Variants in SEPHS1 observed in about 807,000 individuals in gnomAD.
SEPHS1 encodes the protein selenophosphate synthetase 1, also known as zincore component SEPHS1.
In SEPHS1, 7 loss-of-function variants were observed where a neutral mutation model predicts 39.2. That is an observed-to-expected ratio of 0.18 (90% CI 0.10 to 0.34). SEPHS1 has a LOEUF of 0.34. SEPHS1 is among the 10% of genes least tolerant of loss of function. The pLI is 1.00. For synonymous variants in SEPHS1, 190 were observed against 195.5 expected (o/e 0.97, Z 0.23); for missense variants, 253 against 514.5 (o/e 0.49, Z 4.92).
At chr10:13,321,084 G>A (rs1470876915) in intron 8 of SEPHS1, among the ~76,000 whole-genome samples, 3 of 151,934 alleles carry the variant, frequency 2.0e-5, no homozygotes, top group Non-Finnish European at 2.9e-5. Context: ...AAGCCCCCTC[G>A]CCACAGCACA....
At position 13,348,129 on chromosome 10, in the gene SEPHS1, GGCGGGGGCCCGGGCCCGCGCCTGGGCGCC is replaced by G. The variant is rs1833991933; in HGVS notation, c.-237_-209del. Reference sequence around the variant, plus strand: ...TGCCGCGCCCGGCGGCGGCGGCGGCGGCGGGGGCCCGGGCCCGCGCCTGGGCGCCGCGGGGGCTCGCCTGCCTCGGCGCG... The same window carrying G: ...TGCCGCGCCCGGCGGCGGCGGCGGCGGCGGGGGCTCGCCTGCCTCGGCGCG... On this transcript the variant is annotated 5_prime_UTR_variant, in exon 1 of 9. Coordinates refer to ENST00000327347, the MANE Select transcript of SEPHS1 (RefSeq NM_012247.5). The G allele has an allele frequency of 6.9e-6, 1 of 145,248 alleles. No individual in the cohort carries two copies. The highest frequency in any genetic ancestry group is 1.5e-5 in the Non-Finnish European group (1 of 65,470). 9.0% of individuals were successfully genotyped at this position (145,248 alleles called of 1,614,324 possible). A position where few individuals can be genotyped will look rare whatever the true frequency, so the allele number is the denominator to read the frequency against.
chr10:13,329,121 C>T (rs116438139), intron 6 of SEPHS1, among the ~76,000 whole-genome samples: 12 of 152,144 alleles, frequency 7.9e-5, no homozygotes, highest in African/African-American at 9.6e-5. Flanking sequence ...TGAGTTGTTA[C>T]GGCAATGAAG....
At chr10:13,347,581 G>C (rs1341852564) in intron 1 of SEPHS1, among the ~76,000 whole-genome samples, 1 of 147,148 alleles carries the variant, frequency 6.8e-6, no homozygotes, top group African/African-American at 2.4e-5. Flanking sequence ...CGGGTCGACA[G>C]GGCCCGCGCG....
At chr10:13,344,230 C>T (rs1056846866) in intron 2 of SEPHS1, among the ~76,000 whole-genome samples, 2 of 152,108 alleles carry the variant, frequency 1.3e-5, no homozygotes, top group African/African-American at 4.8e-5. Flanking sequence ...AGGCTGGAAC[C>T]GCCTTTCCTA....
chr10:13,332,196 G>C (rs943542024), intron 5 of SEPHS1, among the ~76,000 whole-genome samples: 4 of 152,238 alleles, frequency 2.6e-5, no homozygotes, highest in Non-Finnish European at 5.9e-5. Context: ...GCCATGGAAA[G>C]GAATGCGATA....
intron 2 of SEPHS1, among the ~76,000 whole-genome samples, chr10:13,340,977 T>C (rs889050023): frequency 1.8e-4 from 28 of 152,248 alleles, no homozygotes; most frequent in Admixed American, 1.8e-3. Flanking sequence ...ATTAATAATG[T>C]CGTATATATA....
intron 2 of SEPHS1, among the ~76,000 whole-genome samples, chr10:13,339,222 A>G (rs1008327178): frequency 2.6e-5 from 4 of 152,118 alleles, no homozygotes; most frequent in Non-Finnish European, 4.4e-5. Context: ...ACATCTTTAC[A>G]GACATTATCG....
At chr10:13,346,445 C>CG (rs1308506638) in intron 1 of SEPHS1, among the ~76,000 whole-genome samples, 1 of 152,166 alleles carries the variant, frequency 6.6e-6, no homozygotes, top group African/African-American at 2.4e-5. Flanking sequence ...TCCAAACCGT[C>CG]TTCACAAAAA....
At chr10:13,339,583 A>G (rs752450003) in intron 2 of SEPHS1, among the ~76,000 whole-genome samples, 5 of 151,904 alleles carry the variant, frequency 3.3e-5, no homozygotes, top group Non-Finnish European at 5.9e-5. Flanking sequence ...CCTCAGAAGG[A>G]CACTCTTCTG....
intron 1 of SEPHS1, among the ~76,000 whole-genome samples, chr10:13,346,470 A>T (rs1833924798): frequency 6.6e-6 from 1 of 152,214 alleles, no homozygotes; most frequent in East Asian, 1.9e-4. Flanking sequence ...GTTTGGGATG[A>T]GCAATGATTT....
At chr10:13,346,638 T>C (rs907025787) in intron 1 of SEPHS1, among the ~76,000 whole-genome samples, 3 of 92,886 alleles carry the variant, frequency 3.2e-5, no homozygotes, top group Non-Finnish European at 6.3e-5. Flanking sequence ...CACTTTGACT[T>C]GGAAGGCGTT....
intron 2 of SEPHS1, among the ~76,000 whole-genome samples, chr10:13,339,968 C>G (rs1458713991): frequency 6.6e-6 from 1 of 152,002 alleles, no homozygotes; most frequent in Non-Finnish European, 1.5e-5. Flanking sequence ...CTTTGCAGCC[C>G]AATAGCCAAA....
chr10:13,335,422 T>G (rs903054176), intron 4 of SEPHS1, among the ~76,000 whole-genome samples: 3 of 152,014 alleles, frequency 2.0e-5, no homozygotes, highest in Non-Finnish European at 4.4e-5. Context: ...TCCCAGCACT[T>G]TGGGAGGCCG....
chr10:13,336,134 C>G (rs1466972863), intron 4 of SEPHS1, 109 bp downstream of exon 4: 1 of 672,724 alleles, frequency 1.5e-6, no homozygotes. Context: ...TGCAGGGAGC[C>G]ATATGGCCTG....
At chr10:13,323,382 T>G (rs1833170084) in intron 7 of SEPHS1, among the ~76,000 whole-genome samples, 1 of 151,252 alleles carries the variant, frequency 6.6e-6, no homozygotes, top group Non-Finnish European at 1.5e-5. Context: ...TGAGATGGAG[T>G]CTCGCTCTGT....
rs776045640 is a variant in SEPHS1, at chr10:13,318,968, C to G, written c.*174G>C. 59 of 618,916 alleles carry G rather than the reference C, an allele frequency of 9.5e-5. No individual in the cohort carries two copies. The highest frequency in any genetic ancestry group is 1.6e-4 in the Non-Finnish European group (56 of 360,902). The allele number at this position is 618,916 out of a possible 1,614,324, so 38.3% of individuals were successfully genotyped here. ...TTAGGTGCATCTTCAGTTAATGTAA[C>G]AGGAAAAAAAGGCAATGGATTTTAT... On this transcript the variant is annotated 3_prime_UTR_variant, in exon 9 of 9. Coordinates refer to ENST00000327347, the MANE Select transcript of SEPHS1 (RefSeq NM_012247.5).
chr10:13,326,918 T>C (rs952938881), intron 7 of SEPHS1, among the ~76,000 whole-genome samples: 4 of 152,200 alleles, frequency 2.6e-5, no homozygotes, highest in Non-Finnish European at 5.9e-5. Flanking sequence ...ATAATTGTGG[T>C]ACATTTCTCT....
chr10:13,347,780 C>CGCG (rs537003074), intron 1 of SEPHS1, among the ~76,000 whole-genome samples: 3,941 of 138,448 alleles, frequency 0.028, 87 homozygotes, highest in East Asian at 0.057. Context: ...CCCGGCCCCG[C>CGCG]GCGGCGGCGG....
chr10:13,321,505 C>T (rs1482901894), intron 8 of SEPHS1, among the ~76,000 whole-genome samples: 1 of 152,154 alleles, frequency 6.6e-6, no homozygotes, highest in Non-Finnish European at 1.5e-5. Flanking sequence ...GCTGGAATTA[C>T]AGGCGTGAGC....
Sources: allele counts gnomAD v4.1 joint callset (sites outside exome capture counted in the v4.1 genomes callset), GRCh38; gene constraint gnomAD v4.1.1; transcripts MANE v1.5; gene names NCBI Gene and HGNC (gene_info 2026-07-23, HGNC 2026-07-21).